TTC7B: variants seen among roughly 807,000 people sequenced by gnomAD.
TTC7B encodes the protein tetratricopeptide repeat domain 7B.
Under a neutral mutation model 106.8 loss-of-function variants are expected in TTC7B, and 28 were observed. The ratio of observed to expected loss-of-function variants is 0.26; its 90% CI spans 0.19 to 0.36. The LOEUF (loss-of-function observed/expected upper bound fraction) is 0.36. Ranked by LOEUF, TTC7B falls within the 10% of genes least tolerant of loss-of-function variation. TTC7B has a pLI of 1.00. For synonymous variants in TTC7B, 405 were observed against 430.6 expected (o/e 0.94, Z 0.74); for missense variants, 862 against 1,076.4 (o/e 0.80, Z 2.79).
chr14:90,784,464 G>A (rs1891317245), intron 2 of TTC7B, among the ~76,000 whole-genome samples: 1 of 152,172 alleles, frequency 6.6e-6, no homozygotes, highest in African/African-American at 2.4e-5. Context: ...GGCTGAGGCA[G>A]GAGAATGGCA....
intron 2 of TTC7B, among the ~76,000 whole-genome samples, chr14:90,781,564 C>T (rs1240433860): frequency 1.3e-5 from 2 of 152,170 alleles, no homozygotes; most frequent in Non-Finnish European, 2.9e-5. Context: ...ATAAGTTAAA[C>T]ATACAAGCAC....
At chr14:90,561,202 A>G (rs1314372354) in intron 19 of TTC7B, among the ~76,000 whole-genome samples, 1 of 152,198 alleles carries the variant, frequency 6.6e-6, no homozygotes, top group African/African-American at 2.4e-5. Context: ...AAGACGCGGC[A>G]TCACATCTCA....
intron 15 of TTC7B, among the ~76,000 whole-genome samples, chr14:90,643,141 G>A (rs1034478353): frequency 6.6e-6 from 1 of 152,142 alleles, no homozygotes; most frequent in Non-Finnish European, 1.5e-5. Flanking sequence ...GGGCACAGTG[G>A]CTCATGCCTG....
At chr14:90,712,909 C>T (rs1888503773) in intron 5 of TTC7B, among the ~76,000 whole-genome samples, 1 of 152,064 alleles carries the variant, frequency 6.6e-6, no homozygotes, top group African/African-American at 2.4e-5. Context: ...GTGGTATTGG[C>T]TTAAAGACAG....
chr14:90,605,751 A>G, intron 17 of TTC7B: 1 of 1,255,324 alleles, frequency 8.0e-7, no homozygotes, highest in Non-Finnish European at 1.0e-6. Flanking sequence ...AGGAGGAGGA[A>G]TCTGACACTA....
In TTC7B at chr14:90,530,127, G is replaced by C. The variant is rs1889248146; in HGVS notation, c.*11241C>G. ...ACTAAAAATGCAAAAAATTAGCCAG[G>C]CGTGGTGGCACGTGCCTGTAATCCT... On this transcript the variant is annotated 3_prime_UTR_variant, in exon 20 of 20. Transcript: ENST00000328459. 6.6e-6 allele frequency: 1 copy of C among 152,198 alleles called. No homozygotes were observed. The highest frequency in any genetic ancestry group is 6.5e-5 in the Admixed American group (1 of 15,284). 9.4% of individuals were successfully genotyped at this position (152,198 alleles called of 1,614,324 possible). A position where few individuals can be genotyped will look rare whatever the true frequency, so the allele number is the denominator to read the frequency against.
intron 1 of TTC7B, among the ~76,000 whole-genome samples, chr14:90,801,448 C>G (rs995800425): frequency 6.6e-6 from 1 of 152,094 alleles, no homozygotes; most frequent in Admixed American, 6.5e-5. Context: ...TTTGTTACAG[C>G]AGCCACAGGA....
chr14:90,718,759 C>T (rs936155564), intron 5 of TTC7B, among the ~76,000 whole-genome samples: 1 of 151,532 alleles, frequency 6.6e-6, no homozygotes, highest in South Asian at 2.1e-4. Flanking sequence ...AAAAGTACAT[C>T]CATTTATTCA....
intron 4 of TTC7B, among the ~76,000 whole-genome samples, chr14:90,733,259 G>C (rs1417868108): frequency 6.6e-6 from 1 of 151,668 alleles, no homozygotes; most frequent in Non-Finnish European, 1.5e-5. Context: ...CTTTACCAGA[G>C]GGGAAGCGGA....
intron 5 of TTC7B, among the ~76,000 whole-genome samples, chr14:90,719,502 A>G (rs1431478852): frequency 6.6e-6 from 1 of 152,190 alleles, no homozygotes; most frequent in African/African-American, 2.4e-5. Context: ...ACAACTGAGC[A>G]TATCCCTTGG....
Position 90,617,926 on chromosome 14 carries a change from T to C in TTC7B, c.1868+3A>G. The C allele has an allele frequency of 1.2e-6, 2 of 1,612,648 alleles. No homozygotes were observed. The highest frequency in any genetic ancestry group is 1.7e-5 in the Admixed American group (1 of 60,004). On this transcript the variant is annotated splice_donor_region_variant and intron_variant, in intron 16 of 19. Transcript: ENST00000328459. ...CGCAAAGCAGGCCCTGCTGGCCTCT[T>C]ACCTGGGGTTGGTGAGGTTGTAGCA... is the stretch of plus-strand genomic sequence containing the variant.
Position 90,578,090 on chromosome 14 carries a change from G to C in TTC7B, c.2310+16C>G, listed in dbSNP as rs549197851. On this transcript the variant is annotated intron_variant, in intron 19 of 19. Transcript: ENST00000328459. The surrounding 1 kb of genome is among the most constrained non-coding windows in gnomAD (Gnocchi z 4.7). Reference sequence around the variant, plus strand: ...CCATGCCAGAGTAGGGGCCACCGCCGGGCTCGTGGACTCACCAGTCGCTGC... The same window carrying C: ...CCATGCCAGAGTAGGGGCCACCGCCCGGCTCGTGGACTCACCAGTCGCTGC... 1.3e-6 allele frequency: 2 copies of C among 1,598,232 alleles called. No homozygotes were observed. Among genetic ancestry groups the C allele is most frequent in the South Asian group, 2.3e-5 (2 of 88,612 alleles).
At chr14:90,610,569 G>A (rs1487196290) in intron 17 of TTC7B, among the ~76,000 whole-genome samples, 173 bp downstream of exon 17, 2 of 152,184 alleles carry the variant, frequency 1.3e-5, no homozygotes, top group Non-Finnish European at 1.5e-5. Context: ...TCCCCACTGT[G>A]AAGAAACACT....
chr14:90,698,337 G>A lies in TTC7B; in HGVS notation c.699-2759C>T, dbSNP rs78981080. 4.8e-3 allele frequency: 737 copies of A among 152,228 alleles called. 5 individuals carry two copies. The highest frequency in any genetic ancestry group is 0.017 in the African/African-American group (712 of 41,538). The allele number at this position is 152,228 out of a possible 1,614,324, so 9.4% of individuals were successfully genotyped here. A position where few individuals can be genotyped will look rare whatever the true frequency, so the allele number is the denominator to read the frequency against. On this transcript the variant is annotated intron_variant, in intron 5 of 19. Transcript: ENST00000328459. Reference sequence around the variant, plus strand: ...TGAGAGAGGCAAACAAAACCCACACGATTGCTTTCATATCTTCAAACTGTT... The same window carrying A: ...TGAGAGAGGCAAACAAAACCCACACAATTGCTTTCATATCTTCAAACTGTT...
At chr14:90,786,812 C>T (rs1467760936) in intron 1 of TTC7B, among the ~76,000 whole-genome samples, 2 of 152,116 alleles carry the variant, frequency 1.3e-5, no homozygotes, top group African/African-American at 4.8e-5. Context: ...AACTCCTGAC[C>T]TCAGGTGATC....
intron 3 of TTC7B, 110 bp from the exon 4 acceptor site, chr14:90,745,032 G>A: frequency 9.3e-7 from 1 of 1,070,012 alleles, no homozygotes; most frequent in Non-Finnish European, 1.4e-6. Context: ...CATGTTGTTT[G>A]CAAATAGACA....
At chr14:90,620,430 T>C (rs998733215) in intron 15 of TTC7B, among the ~76,000 whole-genome samples, 1 of 152,084 alleles carries the variant, frequency 6.6e-6, no homozygotes, top group Non-Finnish European at 1.5e-5. Context: ...TGGGAGTACT[T>C]TTCCACCAGA....
Position 90,549,705 on chromosome 14 carries a change from A to G in TTC7B, c.2311-8116T>C, listed in dbSNP as rs536319236. On this transcript the variant is annotated intron_variant, in intron 19 of 19. Coordinates refer to ENST00000328459, the MANE Select transcript of TTC7B (RefSeq NM_001010854.2). ...GCTCACCCCAGCAGACTGGGCTTGA[A>G]TCCTAGCTCCACCGTTTACTTGGAC... Among the ~76,000 whole-genome samples the G allele has an allele frequency of 5.9e-5, 9 of 152,256 alleles. No homozygotes were observed. In the East Asian group the frequency reaches 1.5e-3, roughly 26 times the overall value.
Position 90,744,897 on chromosome 14 carries a change from A to G in TTC7B, c.471T>C (p.Ile157=), listed in dbSNP as rs1271667283. ...TKGLCLEKLP[I]SSSTSNLHVD... Reference sequence around the variant, plus strand: ...CATGGAGATTACTGGTAGAAGAAGAAATAGGCAGCTTCTCCAAACAAAGTC... The same window carrying G: ...CATGGAGATTACTGGTAGAAGAAGAGATAGGCAGCTTCTCCAAACAAAGTC... The change falls in exon 4 of 20, where the codon ATT becomes ATC. Residue 157 remains isoleucine (I), a synonymous_variant. Transcript: ENST00000328459. 1 of 1,613,876 alleles carries G rather than the reference A, an allele frequency of 6.2e-7. No individual in the cohort carries two copies. Among genetic ancestry groups the G allele is most frequent in the Non-Finnish European group, 8.5e-7 (1 of 1,180,026 alleles).
Sources: gnomAD v4.1 joint callset for allele counts (sites outside exome capture counted in the v4.1 genomes callset) on GRCh38, gnomAD v4.1.1 for gene constraint, Gnocchi (gnomAD v3.1) non-coding constraint, MANE v1.5 for transcripts, NCBI Gene and HGNC (gene_info 2026-07-23, HGNC 2026-07-21) for gene names.